Variants in RAB38 observed in about 807,000 individuals in gnomAD.
RAB38 encodes RAB38, member RAS oncogene family.
RAB38 carries 15 observed loss-of-function variants against 18.4 expected under a neutral mutation model. The ratio of observed to expected loss-of-function variants is 0.82; its 90% CI spans 0.55 to 1.26. The LOEUF is 1.26. RAB38 is among the 50% of genes most tolerant of loss of function. RAB38 has a pLI of 0.00. For missense variants in RAB38, 294 were observed against 267.4 expected (o/e 1.10, Z -0.69); for synonymous variants, 101 against 104.4 (o/e 0.97, Z 0.20).
intron 2 of RAB38, among the ~76,000 whole-genome samples, chr11:88,120,565 T>C (rs1334248737): frequency 2.0e-5 from 3 of 152,160 alleles, no homozygotes; most frequent in Admixed American, 2.0e-4. Context: ...AGCCACATTG[T>C]CACTTATTTT....
chr11:88,048,130 T>C, the RAB38 span, among the ~76,000 whole-genome samples: 6 of 152,020 alleles, frequency 3.9e-5, no homozygotes, highest in Admixed American at 6.6e-5. Context: ...AGCTCTGGGA[T>C]TTGCCCCCAC....
the RAB38 span, among the ~76,000 whole-genome samples, chr11:87,873,922 G>GTATATATATA: frequency 0.057 from 5,858 of 102,784 alleles, 282 homozygotes; most frequent in East Asian, 0.071. Flanking sequence ...GTGTGTGTGT[G>GTATATATATA]TATATATATA....
chr11:88,171,369 CT>C (rs1027553022), intron 1 of RAB38, among the ~76,000 whole-genome samples: 1 of 152,110 alleles, frequency 6.6e-6, no homozygotes, highest in African/African-American at 2.4e-5. Flanking sequence ...AAACCTTTTG[CT>C]TACAGAGACT....
chr11:87,933,945 G>T, the RAB38 span, among the ~76,000 whole-genome samples: 1 of 152,112 alleles, frequency 6.6e-6, no homozygotes, highest in Non-Finnish European at 1.5e-5. Flanking sequence ...GCATCATGAA[G>T]AGAAGTTTGT....
At chr11:88,021,684 G>A in the RAB38 span, among the ~76,000 whole-genome samples, 1,079 of 149,744 alleles carry the variant, frequency 7.2e-3, 12 homozygotes, top group African/African-American at 0.025. Flanking sequence ...TCTGCCTCTC[G>A]GGTTCAAGCG....
chr11:88,047,397 C>A, the RAB38 span, among the ~76,000 whole-genome samples: 2 of 152,142 alleles, frequency 1.3e-5, no homozygotes, highest in African/African-American at 2.4e-5. Flanking sequence ...CAGGCCTAAT[C>A]GCCACTCACC....
At chr11:87,976,598 TATAA>T in the RAB38 span, among the ~76,000 whole-genome samples, 3 of 98,338 alleles carry the variant, frequency 3.1e-5, no homozygotes, top group African/African-American at 8.2e-5. Flanking sequence ...ATATACTGTC[TATAA>T]ATACATATTT....
At chr11:88,039,018 A>C in the RAB38 span, among the ~76,000 whole-genome samples, 1 of 152,212 alleles carries the variant, frequency 6.6e-6, no homozygotes, top group Non-Finnish European at 1.5e-5. Flanking sequence ...TCAGAAAAAT[A>C]ATGAGGAATC....
chr11:87,887,252 GTC>G, the RAB38 span, among the ~76,000 whole-genome samples: 4 of 151,966 alleles, frequency 2.6e-5, no homozygotes, highest in African/African-American at 4.8e-5. Flanking sequence ...TTACTCCAAA[GTC>G]TGCCTGACCT....
the RAB38 span, among the ~76,000 whole-genome samples, chr11:88,082,845 A>T: frequency 6.6e-6 from 1 of 151,888 alleles, no homozygotes; most frequent in Admixed American, 6.6e-5. Context: ...TCATCCTTTT[A>T]AGACATAAAT....
chr11:88,034,268 GC>G, the RAB38 span, among the ~76,000 whole-genome samples: 1 of 152,086 alleles, frequency 6.6e-6, no homozygotes, highest in African/African-American at 2.4e-5. Context: ...TTGACAATTT[GC>G]AGTTTGTTTA....
At chr11:88,040,293 C>T in the RAB38 span, among the ~76,000 whole-genome samples, 1 of 152,228 alleles carries the variant, frequency 6.6e-6, no homozygotes, top group Non-Finnish European at 1.5e-5. Flanking sequence ...TGGCCGTCCT[C>T]TCCCTGTGTC....
chr11:87,834,179 G>A, the RAB38 span, among the ~76,000 whole-genome samples: 8 of 152,120 alleles, frequency 5.3e-5, no homozygotes, highest in Non-Finnish European at 1.2e-4. Context: ...GGAATGCTGT[G>A]GTCAGGAGCA....
At chr11:88,150,046 C>A (rs1943045865) in intron 1 of RAB38, 91 bp from the exon 2 acceptor site, 21 of 1,344,812 alleles carry the variant, frequency 1.6e-5, no homozygotes, top group Non-Finnish European at 2.0e-5. Flanking sequence ...ATGAGCAAGT[C>A]AATCAGTAAA....
chr11:87,845,717 C>T, the RAB38 span, among the ~76,000 whole-genome samples: 3 of 152,068 alleles, frequency 2.0e-5, no homozygotes, highest in East Asian at 5.8e-4. Context: ...AAATAATAAA[C>T]TCAAAGACAG....
the RAB38 span, among the ~76,000 whole-genome samples, chr11:87,952,966 T>TTAAAACATTTAAACA: frequency 6.6e-6 from 1 of 152,114 alleles, no homozygotes; most frequent in Non-Finnish European, 1.5e-5. Flanking sequence ...GTTTTTAATT[T>TTAAAACATTTAAACA]TAAAACATTT....
chr11:88,068,634 C>A, the RAB38 span, among the ~76,000 whole-genome samples: 3 of 152,116 alleles, frequency 2.0e-5, no homozygotes, highest in Admixed American at 1.3e-4. Flanking sequence ...TTAAATGACA[C>A]AAATAAGCAT....
the RAB38 span, among the ~76,000 whole-genome samples, chr11:87,844,633 T>C: frequency 2.0e-5 from 3 of 152,196 alleles, no homozygotes; most frequent in Non-Finnish European, 4.4e-5. Flanking sequence ...AAGTAGGCCT[T>C]ATTAACTTTC....
Position 88,142,621 on chromosome 11 carries a change from G to C in RAB38, c.483+7054C>G, listed in dbSNP as rs896637480. Among the ~76,000 whole-genome samples, 4 of 152,114 alleles carry C rather than the reference G, an allele frequency of 2.6e-5. No individual in the cohort carries two copies. The East Asian group carries it at 7.7e-4, about 29-fold the overall frequency. On this transcript the variant is annotated intron_variant, in intron 2 of 2. Coordinates refer to ENST00000243662, the MANE Select transcript of RAB38 (RefSeq NM_022337.3). ...TTGGGGGCAGAGTATCAGAATCAGGGATTCTAATTTGAGTTCTGAAGACTC... is the reference window on the plus strand; with the variant it reads ...TTGGGGGCAGAGTATCAGAATCAGGCATTCTAATTTGAGTTCTGAAGACTC...
Sources: gnomAD v4.1 joint callset for allele counts (sites outside exome capture counted in the v4.1 genomes callset) on GRCh38, gnomAD v4.1.1 for gene constraint, MANE v1.5 for transcripts, NCBI Gene and HGNC (gene_info 2026-07-23, HGNC 2026-07-21) for gene names.